PCCA: variants seen among roughly 807,000 people sequenced by gnomAD.
PCCA encodes the protein propionyl-CoA carboxylase subunit alpha, also known as propionyl-CoA carboxylase alpha chain, mitochondrial.
In PCCA, 74 loss-of-function variants were observed where a neutral mutation model predicts 101.3. The observed-to-expected ratio is 0.73, with a 90% confidence interval of 0.61 to 0.89. The LOEUF (loss-of-function observed/expected upper bound fraction) is 0.89. Ranked by LOEUF, PCCA falls within the 40% of genes least tolerant of loss-of-function variation. The pLI, the probability that PCCA is intolerant of heterozygous loss-of-function variation, is 0.00. For missense variants in PCCA, 891 were observed against 907.0 expected (o/e 0.98, Z 0.23); for synonymous variants, 294 against 313.6 (o/e 0.94, Z 0.66).
At chr13:100,396,698 T>G (rs1296997351) in intron 19 of PCCA, among the ~76,000 whole-genome samples, 1 of 152,232 alleles carries the variant, frequency 6.6e-6, no homozygotes, top group Non-Finnish European at 1.5e-5. Flanking sequence ...TAGCAAGGTT[T>G]GTCAGTACTG....
At chr13:100,393,861 A>C (rs2076930177) in intron 19 of PCCA, among the ~76,000 whole-genome samples, 2 of 152,222 alleles carry the variant, frequency 1.3e-5, no homozygotes, top group Non-Finnish European at 2.9e-5. Context: ...AGACTGATGC[A>C]TCTGTTTTGT....
At chr13:100,433,348 C>T (rs755812352) in intron 20 of PCCA, among the ~76,000 whole-genome samples, 2 of 152,128 alleles carry the variant, frequency 1.3e-5, no homozygotes, top group Non-Finnish European at 2.9e-5. Context: ...AGTGGTATCT[C>T]ATTGTGGAGC....
intron 20 of PCCA, among the ~76,000 whole-genome samples, chr13:100,434,564 G>A (rs909896303): frequency 6.6e-6 from 1 of 151,190 alleles, no homozygotes; most frequent in Non-Finnish European, 1.5e-5. Flanking sequence ...TGTGGATTTG[G>A]GGGAACTTCT....
intron 21 of PCCA, among the ~76,000 whole-genome samples, chr13:100,504,717 A>G (rs1189200308): frequency 6.6e-6 from 1 of 152,164 alleles, no homozygotes; most frequent in African/African-American, 2.4e-5. Flanking sequence ...TGGGCAGATC[A>G]AGAGGTCAAG....
At chr13:100,151,858 A>T (rs2053366393) in intron 4 of PCCA, among the ~76,000 whole-genome samples, 1 of 152,224 alleles carries the variant, frequency 6.6e-6, no homozygotes, top group Non-Finnish European at 1.5e-5. Flanking sequence ...ATTAAAATAT[A>T]TAAAAAGGAA....
intron 12 of PCCA, among the ~76,000 whole-genome samples, chr13:100,285,610 G>C (rs925812247): frequency 1.3e-5 from 2 of 152,112 alleles, no homozygotes; most frequent in African/African-American, 4.8e-5. Context: ...GAAGTTTATG[G>C]CTATCAGACA....
At chr13:100,196,106 T>A (rs1326820825) in intron 6 of PCCA, among the ~76,000 whole-genome samples, 1 of 152,186 alleles carries the variant, frequency 6.6e-6, no homozygotes. Context: ...ATAAAAAGTT[T>A]CCTCCATAAA....
intron 6 of PCCA, among the ~76,000 whole-genome samples, chr13:100,189,337 C>T (rs971999996): frequency 2.0e-5 from 3 of 152,058 alleles, no homozygotes; most frequent in Non-Finnish European, 2.9e-5. Context: ...TGAATAGTGC[C>T]GTAGTAAACA....
At chr13:100,157,739 T>C (rs944824666) in intron 6 of PCCA, among the ~76,000 whole-genome samples, 2 of 152,212 alleles carry the variant, frequency 1.3e-5, no homozygotes, top group Non-Finnish European at 2.9e-5. Context: ...TTGTTTTTAA[T>C]GATCTAAATG....
At chr13:100,358,389 C>T (rs1420024812) in intron 18 of PCCA, among the ~76,000 whole-genome samples, 2 of 152,058 alleles carry the variant, frequency 1.3e-5, no homozygotes, top group Non-Finnish European at 2.9e-5. Context: ...AGAAATCAAC[C>T]GTGAGATTAC....
chr13:100,281,402 A>T (rs951148542), intron 12 of PCCA, among the ~76,000 whole-genome samples: 5 of 152,260 alleles, frequency 3.3e-5, no homozygotes, highest in Non-Finnish European at 7.3e-5. Flanking sequence ...TGTATAAGAC[A>T]TGAATAGAAA....
intron 2 of PCCA, among the ~76,000 whole-genome samples, chr13:100,111,591 A>G (rs2048328303): frequency 6.6e-6 from 1 of 152,244 alleles, no homozygotes; most frequent in Non-Finnish European, 1.5e-5. Flanking sequence ...ACCCGATCAT[A>G]TCAGATGAAT....
At chr13:100,185,441 T>C (rs945591131) in intron 6 of PCCA, among the ~76,000 whole-genome samples, 1 of 150,552 alleles carries the variant, frequency 6.6e-6, no homozygotes, top group Non-Finnish European at 1.5e-5. Flanking sequence ...CCTCACCCTC[T>C]TGGGCTCAGG....
At chr13:100,411,422 T>C (rs562328391) in intron 19 of PCCA, among the ~76,000 whole-genome samples, 1 of 152,148 alleles carries the variant, frequency 6.6e-6, no homozygotes, top group African/African-American at 2.4e-5. Flanking sequence ...GGTTTTGCTA[T>C]GTTGACCAGG....
chr13:100,319,353 G>A (rs1207457759), intron 16 of PCCA, among the ~76,000 whole-genome samples: 2 of 152,016 alleles, frequency 1.3e-5, no homozygotes, highest in Non-Finnish European at 1.5e-5. Context: ...GATCCCATTT[G>A]TCAATTTTGG....
intron 4 of PCCA, among the ~76,000 whole-genome samples, chr13:100,132,833 G>A (rs1214406582): frequency 6.6e-6 from 1 of 152,034 alleles, no homozygotes; most frequent in Non-Finnish European, 1.5e-5. Flanking sequence ...GAGTGTAGTG[G>A]CACCATCTTG....
intron 1 of PCCA, among the ~76,000 whole-genome samples, chr13:100,092,082 G>A (rs1475663929): frequency 2.6e-5 from 4 of 151,866 alleles, no homozygotes; most frequent in African/African-American, 7.3e-5. Flanking sequence ...CACCACCACC[G>A]GCTAATTTTT....
At chr13:100,435,310 T>C (rs1467294957) in intron 20 of PCCA, among the ~76,000 whole-genome samples, 10 of 152,092 alleles carry the variant, frequency 6.6e-5, no homozygotes, top group Non-Finnish European at 1.3e-4. Context: ...CCCCACTCTT[T>C]TAAACAACCA....
intron 21 of PCCA, among the ~76,000 whole-genome samples, chr13:100,466,446 G>T (rs532351351): frequency 2.6e-5 from 4 of 152,296 alleles, no homozygotes; most frequent in Admixed American, 2.6e-4. Flanking sequence ...TTTGTATGGT[G>T]TAAATTCTCA....
Sources: gnomAD v4.1 joint callset for allele counts (sites outside exome capture counted in the v4.1 genomes callset) on GRCh38, gnomAD v4.1.1 for gene constraint, MANE v1.5 for transcripts, NCBI Gene and HGNC (gene_info 2026-07-23, HGNC 2026-07-21) for gene names.